The following GLB1 variants were observed in gnomAD, a reference collection of about 807,000 sequenced individuals.
The protein encoded by GLB1 is galactosidase beta 1, also known as beta-galactosidase.
A neutral mutation model predicts 74.0 loss-of-function variants in GLB1; 56 were observed. The observed-to-expected ratio is 0.76, with a 90% CI of 0.61 to 0.94. The LOEUF is 0.94. Ranked by LOEUF, GLB1 falls within the 40% of genes least tolerant of loss-of-function variation. GLB1 has a pLI of 0.00. For missense variants in GLB1, 787 were observed against 845.5 expected (o/e 0.93, Z 0.86); for synonymous variants, 323 against 323.6 (o/e 1.00, Z 0.02).
intron 12 of GLB1, 154 bp downstream of exon 12, chr3:33,021,412 A>C: frequency 1.1e-6 from 1 of 876,534 alleles, no homozygotes; most frequent in Non-Finnish European, 1.8e-6. Context: ...CTTCAAGCTA[A>C]AGAGAGCCTG....
chr3:33,094,449 T>G, intron 1 of GLB1: 1 of 1,022,020 alleles, frequency 9.8e-7, no homozygotes, highest in Non-Finnish European at 1.3e-6. Context: ...ACTTTATTAT[T>G]CAAAAAGAAA....
intron 1 of GLB1, among the ~76,000 whole-genome samples, chr3:33,089,905 A>C (rs1278608981): frequency 1.3e-5 from 2 of 152,260 alleles, no homozygotes; most frequent in Non-Finnish European, 2.9e-5. Context: ...AACAACAAAA[A>C]GAACAAAAAA....
At chr3:33,049,085 T>A (rs1399401236) in intron 9 of GLB1, among the ~76,000 whole-genome samples, 1 of 152,140 alleles carries the variant, frequency 6.6e-6, no homozygotes, top group South Asian at 2.1e-4. Context: ...CAGTAAGATT[T>A]TTAAAAAATT....
downstream of GLB1, among the ~76,000 whole-genome samples, chr3:32,992,150 G>A (rs1035903296): frequency 2.0e-5 from 3 of 152,226 alleles, no homozygotes; most frequent in South Asian, 2.1e-4. Flanking sequence ...GTAGGCTCAC[G>A]CTGCCCTCCA....
intron 1 of GLB1, among the ~76,000 whole-genome samples, chr3:33,083,986 T>C (rs1035722232): frequency 4.6e-5 from 7 of 152,194 alleles, no homozygotes; most frequent in African/African-American, 1.7e-4. Flanking sequence ...AGAAGCTCAG[T>C]GACATCACAG....
chr3:33,095,825 C>T (rs1042128706), intron 1 of GLB1, among the ~76,000 whole-genome samples: 1 of 152,222 alleles, frequency 6.6e-6, no homozygotes, highest in Non-Finnish European at 1.5e-5. Context: ...GTTCTCACAG[C>T]TGGCTAGCTC....
chr3:33,004,832 T>C lies in GLB1; in HGVS notation c.1735-7488A>G, dbSNP rs563219289. 1.1e-3 allele frequency among the ~76,000 whole-genome samples: 169 copies of C among 152,292 alleles called. 8 individuals carry two copies. The South Asian group carries it at 0.033, about 30-fold the overall frequency. On this transcript the variant is annotated intron_variant, in intron 15 of 15. Coordinates refer to ENST00000307363, the MANE Select transcript of GLB1 (RefSeq NM_000404.4). ...GTAACAGGGAGAGAGTTCTGTTTTA[T>C]ACCTATCAGGCTGGAGGTGCCTATG...
At chr3:33,017,541 T>A (rs1429269817) in intron 13 of GLB1, among the ~76,000 whole-genome samples, 2 of 152,206 alleles carry the variant, frequency 1.3e-5, no homozygotes, top group Non-Finnish European at 2.9e-5. Context: ...GGAAATATTT[T>A]AAAATCTTCT....
intron 10 of GLB1, among the ~76,000 whole-genome samples, chr3:33,036,094 C>A (rs1452241447): frequency 6.6e-6 from 1 of 152,170 alleles, no homozygotes; most frequent in Non-Finnish European, 1.5e-5. Context: ...GAAGTAAGAT[C>A]CCTTCCTGGC....
intron 12 of GLB1, chr3:33,021,300 A>G (rs1697467425): frequency 2.0e-6 from 1 of 512,040 alleles, no homozygotes; most frequent in Admixed American, 3.2e-5. Flanking sequence ...AACTCAATTT[A>G]TAACTTGTAC....
chr3:33,068,799 G>C (rs1489773136), intron 3 of GLB1, 21 bp downstream of exon 3: 1 of 1,613,320 alleles, frequency 6.2e-7, no homozygotes, highest in Admixed American at 1.7e-5. Flanking sequence ...ACCAGGTAGA[G>C]CCCAGTCTAG....
chr3:33,063,192 C>CA (rs925794948), intron 5 of GLB1, among the ~76,000 whole-genome samples: 1 of 150,952 alleles, frequency 6.6e-6, no homozygotes, highest in African/African-American at 2.4e-5. Flanking sequence ...AAGAATGAAG[C>CA]AAAAAAAGCC....
intron 10 of GLB1, among the ~76,000 whole-genome samples, chr3:33,029,475 G>A (rs1416108849): frequency 6.6e-6 from 1 of 152,110 alleles, no homozygotes; most frequent in Admixed American, 6.5e-5. Flanking sequence ...CAGAGAGTGA[G>A]AAATGTGTAT....
intron 2 of GLB1, 137 bp downstream of exon 2, chr3:33,072,407 A>C (rs1434642537): frequency 7.3e-7 from 1 of 1,362,736 alleles, no homozygotes; most frequent in African/African-American, 1.4e-5. Context: ...GGCTCATGAC[A>C]AGCCCCTCCC....
chr3:32,985,901 A>G, the GLB1 span, among the ~76,000 whole-genome samples: 1 of 152,098 alleles, frequency 6.6e-6, no homozygotes, highest in African/African-American at 2.4e-5. Context: ...TATTAGAGAC[A>G]GGGTTTCCCC....
rs564548639 is a variant in GLB1, at chr3:33,063,584, G to A, written c.552+1879C>T. ...ATTAATACTTGATTATACTTTTTGT[G>A]GCATTTCCAAAACCAAAAGGGGCAG... On this transcript the variant is annotated intron_variant, in intron 5 of 15. Transcript: ENST00000307363. Among the ~76,000 whole-genome samples the A allele has an allele frequency of 2.0e-5, 3 of 152,158 alleles. No homozygotes were observed. In the South Asian group the frequency reaches 6.2e-4, roughly 32 times the overall value.
chr3:33,089,499 C>T (rs1174899976), intron 1 of GLB1, among the ~76,000 whole-genome samples: 1 of 152,052 alleles, frequency 6.6e-6, no homozygotes, highest in Non-Finnish European at 1.5e-5. Context: ...ATACAGGTGG[C>T]CAACAAGCCC....
chr3:33,015,892 T>G (rs1286761902), intron 14 of GLB1, among the ~76,000 whole-genome samples: 1 of 152,230 alleles, frequency 6.6e-6, no homozygotes, highest in Non-Finnish European at 1.5e-5. Context: ...TCGCGGAGGT[T>G]GAGCTCCCTG....
the GLB1 span, among the ~76,000 whole-genome samples, chr3:32,971,617 T>C: frequency 6.6e-6 from 1 of 152,218 alleles, no homozygotes; most frequent in East Asian, 1.9e-4. Flanking sequence ...GTTAAAAGCC[T>C]CCATAATTGG....
Sources: gnomAD v4.1 joint callset for allele counts (sites outside exome capture counted in the v4.1 genomes callset) on GRCh38, gnomAD v4.1.1 for gene constraint, MANE v1.5 for transcripts, NCBI Gene and HGNC (gene_info 2026-07-23, HGNC 2026-07-21) for gene names.